Variants in MSANTD5 observed in about 807,000 individuals in gnomAD.
MSANTD5 encodes uncharacterized protein MSANTD5.
upstream of MSANTD5, among the ~76,000 whole-genome samples, chr5:178,702,170 G>A (rs983795348): frequency 2.0e-5 from 3 of 152,010 alleles, no homozygotes. Context: ...TTTGCAAATC[G>A]AAATGGAGTC....
chr5:178,700,053 T>C (rs1765460559), upstream of MSANTD5, among the ~76,000 whole-genome samples: 1 of 152,154 alleles, frequency 6.6e-6, no homozygotes, highest in Non-Finnish European at 1.5e-5. Flanking sequence ...GGGCACTGTG[T>C]GGCCTCGGGG....
the MSANTD5 span, among the ~76,000 whole-genome samples, chr5:178,706,569 G>T: frequency 6.6e-6 from 1 of 151,708 alleles, no homozygotes; most frequent in Non-Finnish European, 1.5e-5. Flanking sequence ...TCTCCTGCTT[G>T]CAGGATTCCA....
At chr5:178,707,390 T>C in the MSANTD5 span, among the ~76,000 whole-genome samples, 1 of 151,838 alleles carries the variant, frequency 6.6e-6, no homozygotes, top group Non-Finnish European at 1.5e-5. Flanking sequence ...TTCTACAGCC[T>C]ACTTCAGGCT....
chr5:178,697,804 A>G (rs567522248), upstream of MSANTD5: 7 of 152,310 alleles, frequency 4.6e-5, no homozygotes, highest in East Asian at 1.3e-3. Context: ...CTTAAATGTG[A>G]TTGGGTCAGA....
upstream of MSANTD5, among the ~76,000 whole-genome samples, chr5:178,698,086 A>T (rs1039700731): frequency 4.9e-4 from 74 of 152,116 alleles, no homozygotes; most frequent in South Asian, 8.3e-4. Context: ...ACCTCTGAGG[A>T]TTAATTGCGA....
chr5:178,696,494 G>A (rs1420695198), intron 1 of MSANTD5, among the ~76,000 whole-genome samples: 1 of 152,132 alleles, frequency 6.6e-6, no homozygotes, highest in African/African-American at 2.4e-5. Context: ...CCAAAGTGCT[G>A]GGATTACAGG....
the MSANTD5 span, among the ~76,000 whole-genome samples, chr5:178,703,420 C>T: frequency 6.6e-6 from 1 of 152,126 alleles, no homozygotes. Context: ...TTTCTAGGGC[C>T]CCTCTCTAGG....
downstream of MSANTD5, among the ~76,000 whole-genome samples, chr5:178,691,722 A>T (rs1483744231): frequency 5.1e-5 from 7 of 136,940 alleles, 1 homozygote; most frequent in African/African-American, 1.8e-4. Context: ...CCAATTAGAA[A>T]ATGGCCAAAA....
At chr5:178,705,657 A>C in the MSANTD5 span, among the ~76,000 whole-genome samples, 2 of 152,092 alleles carry the variant, frequency 1.3e-5, no homozygotes, top group Non-Finnish European at 2.9e-5. Flanking sequence ...CCCCAACTGC[A>C]AAATAGGAGG....
chr5:178,706,391 G>A, the MSANTD5 span, among the ~76,000 whole-genome samples: 1 of 152,106 alleles, frequency 6.6e-6, no homozygotes, highest in Non-Finnish European at 1.5e-5. Flanking sequence ...CTGTGGCTCT[G>A]TCTGCTATAA....
chr5:178,694,315 CAAAA>C (rs56778816), downstream of MSANTD5, among the ~76,000 whole-genome samples: 1 of 61,528 alleles, frequency 1.6e-5, no homozygotes, highest in Admixed American at 1.9e-4. Context: ...GACTCCATCT[CAAAA>C]AAAAAAAAAA....
At chr5:178,694,819 C>T (rs1765393903) in exon 4 of MSANTD5, 1 of 152,162 alleles carries the variant, frequency 6.6e-6, no homozygotes, top group Non-Finnish European at 1.5e-5. Flanking sequence ...CATCCGGGTA[C>T]CTGAGGATTT....
chr5:178,700,651 C>T (rs1224546067), upstream of MSANTD5, among the ~76,000 whole-genome samples: 1 of 149,938 alleles, frequency 6.7e-6, no homozygotes, highest in Non-Finnish European at 1.5e-5. Flanking sequence ...TCAGAGATTC[C>T]AGTGTGACCA....
At chr5:178,698,973 A>G (rs6859031), upstream of MSANTD5, among the ~76,000 whole-genome samples, 100,016 of 151,720 alleles carry the variant, frequency 0.66, 34,694 homozygotes, top group East Asian at 0.76. Context: ...AAATACCACC[A>G]TCTCTTCATT....
At chr5:178,696,285 C>T (rs6892374) in intron 1 of MSANTD5, 104 bp from the exon 2 acceptor site, 37,004 of 151,682 alleles carry the variant, frequency 0.24, 5,406 homozygotes, top group African/African-American at 0.4. Flanking sequence ...TGCAGTGGCA[C>T]GATCTCAGCT....
chr5:178,693,530 G>A (rs538478696), downstream of MSANTD5, among the ~76,000 whole-genome samples: 118 of 152,134 alleles, frequency 7.8e-4, 2 homozygotes, highest in African/African-American at 2.7e-3. Flanking sequence ...TTCACCGCGG[G>A]TGTTATAGCT....
chr5:178,707,254 C>T, the MSANTD5 span: 1 of 152,046 alleles, frequency 6.6e-6, no homozygotes, highest in African/African-American at 2.4e-5. Flanking sequence ...CCTTTAACTG[C>T]TCAGTTTAAA....
chr5:178,701,963 C>T (rs1310804085), upstream of MSANTD5, among the ~76,000 whole-genome samples: 1 of 150,780 alleles, frequency 6.6e-6, no homozygotes, highest in Non-Finnish European at 1.5e-5. Context: ...AAACTTCCGA[C>T]CTCAGGTGAT....
upstream of MSANTD5, among the ~76,000 whole-genome samples, chr5:178,700,788 T>C (rs1765470119): frequency 6.6e-6 from 1 of 152,182 alleles, no homozygotes; most frequent in Admixed American, 6.5e-5. Flanking sequence ...GACCTTTTTA[T>C]TTCTGACAAC....
Sources: allele counts gnomAD v4.1 joint callset (sites outside exome capture counted in the v4.1 genomes callset), GRCh38; gene constraint gnomAD v4.1.1; transcripts MANE v1.5; gene names NCBI Gene and HGNC (gene_info 2026-07-23, HGNC 2026-07-21).